Variants in CCSER1 observed in about 807,000 individuals in gnomAD.
CCSER1 encodes the protein coiled-coil serine rich protein 1.
CCSER1 carries 41 observed loss-of-function variants against 82.0 expected under a neutral mutation model. The ratio of observed to expected loss-of-function variants is 0.50; its 90% confidence interval spans 0.39 to 0.65. The LOEUF is 0.65. Among genes scored for constraint, CCSER1 ranks in the 30% least tolerant of loss-of-function variants. The pLI, the probability that CCSER1 is intolerant of heterozygous loss-of-function variation, is 0.00. For synonymous variants in CCSER1, 414 were observed against 383.9 expected, an observed-to-expected ratio of 1.08 and a Z score of -0.92; for missense variants, 1,119 against 1,064.2, an observed-to-expected ratio of 1.05 and a Z score of -0.72.
intron 6 of CCSER1, among the ~76,000 whole-genome samples, chr4:90,682,543 C>T (rs1243143429): frequency 6.6e-6 from 1 of 151,936 alleles, no homozygotes; most frequent in Non-Finnish European, 1.5e-5. Context: ...CAAAAGTTTA[C>T]TTACCTTTTA....
chr4:90,938,242 TTGGA>T (rs1731194158), intron 9 of CCSER1, among the ~76,000 whole-genome samples: 1 of 152,192 alleles, frequency 6.6e-6, no homozygotes, highest in African/African-American at 2.4e-5. Context: ...ATTTAGTACT[TTGGA>T]TGGTGACTAC....
chr4:90,401,214 A>T (rs1752824115), intron 4 of CCSER1, among the ~76,000 whole-genome samples: 1 of 152,176 alleles, frequency 6.6e-6, no homozygotes. Flanking sequence ...ATTTCTTGGG[A>T]CATTTTTCCT....
chr4:90,132,973 A>G (rs1268114596), intron 1 of CCSER1, among the ~76,000 whole-genome samples: 1 of 152,204 alleles, frequency 6.6e-6, no homozygotes, highest in Non-Finnish European at 1.5e-5. Context: ...CTAAGCAGCA[A>G]TAGCAGCAAG....
intron 10 of CCSER1, among the ~76,000 whole-genome samples, chr4:91,123,980 G>A (rs1339670526): frequency 1.3e-5 from 2 of 151,564 alleles, no homozygotes; most frequent in Admixed American, 1.3e-4. Flanking sequence ...ATTATTAAGA[G>A]CTCATATCCA....
intron 1 of CCSER1, among the ~76,000 whole-genome samples, chr4:90,214,667 G>T (rs1740685028): frequency 6.6e-6 from 1 of 152,108 alleles, no homozygotes; most frequent in Admixed American, 6.6e-5. Flanking sequence ...GGCACAATCA[G>T]AGTTTCTGCT....
chr4:90,186,468 TAA>T (rs1379041928), intron 1 of CCSER1, among the ~76,000 whole-genome samples: 1 of 151,948 alleles, frequency 6.6e-6, no homozygotes, highest in Non-Finnish European at 1.5e-5. Flanking sequence ...TCTGAAGCCT[TAA>T]AGAGAGAAAA....
At chr4:90,808,276 A>T (rs560107157) in intron 7 of CCSER1, among the ~76,000 whole-genome samples, 1 of 152,148 alleles carries the variant, frequency 6.6e-6, no homozygotes, top group Admixed American at 6.6e-5. Context: ...AAGCCCTAAA[A>T]CCATAAAAAT....
chr4:90,848,104 C>G (rs529907167), intron 8 of CCSER1, among the ~76,000 whole-genome samples: 5 of 152,128 alleles, frequency 3.3e-5, no homozygotes, highest in Admixed American at 1.3e-4. Context: ...TACACAATCA[C>G]TTTTAATTAA....
chr4:91,336,719 A>G (rs997747848), intron 10 of CCSER1, among the ~76,000 whole-genome samples: 1 of 152,100 alleles, frequency 6.6e-6, no homozygotes, highest in African/African-American at 2.4e-5. Context: ...ATTCTAATAG[A>G]CTTAAGAACT....
intron 3 of CCSER1, among the ~76,000 whole-genome samples, chr4:90,348,870 T>C (rs1742905532): frequency 6.6e-6 from 1 of 152,204 alleles, no homozygotes; most frequent in Non-Finnish European, 1.5e-5. Flanking sequence ...ACATTTTAAC[T>C]ATCTGGAATG....
At chr4:90,612,656 C>T (rs1231434335) in intron 5 of CCSER1, among the ~76,000 whole-genome samples, 1 of 152,042 alleles carries the variant, frequency 6.6e-6, no homozygotes, top group Non-Finnish European at 1.5e-5. Context: ...CTTCCAAATG[C>T]AACAGAAACT....
At chr4:91,521,269 C>G (rs1760455262) in intron 10 of CCSER1, among the ~76,000 whole-genome samples, 1 of 151,996 alleles carries the variant, frequency 6.6e-6, no homozygotes, top group African/African-American at 2.4e-5. Context: ...CACATTAATC[C>G]AGTCTATCAT....
At chr4:90,796,915 C>G (rs1283853238) in intron 7 of CCSER1, among the ~76,000 whole-genome samples, 1 of 152,034 alleles carries the variant, frequency 6.6e-6, no homozygotes, top group Non-Finnish European at 1.5e-5. Context: ...ATTTTGTTAT[C>G]AATTTTAGAG....
At chr4:90,532,999 A>G (rs1363098898) in intron 5 of CCSER1, among the ~76,000 whole-genome samples, 1 of 150,586 alleles carries the variant, frequency 6.6e-6, no homozygotes, top group Non-Finnish European at 1.5e-5. Context: ...TTGAGATTTT[A>G]CAGGGTTGAG....
At chr4:90,441,892 A>G (rs1260406994) in intron 4 of CCSER1, among the ~76,000 whole-genome samples, 1 of 152,354 alleles carries the variant, frequency 6.6e-6, no homozygotes, top group East Asian at 1.9e-4. Context: ...GAAAGTTCTC[A>G]TAAGTTTTGG....
chr4:91,081,451 A>G (rs960833193), intron 9 of CCSER1, among the ~76,000 whole-genome samples: 2 of 152,204 alleles, frequency 1.3e-5, no homozygotes, highest in African/African-American at 4.8e-5. Context: ...CCCACAGCCA[A>G]TATCATACTG....
At chr4:90,320,043 C>T (rs1736850936) in intron 3 of CCSER1, among the ~76,000 whole-genome samples, 1 of 152,176 alleles carries the variant, frequency 6.6e-6, no homozygotes, top group South Asian at 2.1e-4. Flanking sequence ...ATCATATTTT[C>T]CTTTCAGTAC....
chr4:90,768,088 A>G (rs545667982), intron 7 of CCSER1, among the ~76,000 whole-genome samples: 1 of 152,322 alleles, frequency 6.6e-6, no homozygotes, highest in South Asian at 2.1e-4. Context: ...GGAAGAAATA[A>G]GTTGTCACTT....
intron 10 of CCSER1, among the ~76,000 whole-genome samples, chr4:91,092,446 T>A (rs62312176): frequency 6.6e-6 from 1 of 152,070 alleles, no homozygotes; most frequent in East Asian, 1.9e-4. Flanking sequence ...GTGAAGTCCA[T>A]TTGAAGATCT....
Sources: allele counts gnomAD v4.1 joint callset (sites outside exome capture counted in the v4.1 genomes callset), GRCh38; gene constraint gnomAD v4.1.1; transcripts MANE v1.5; gene names NCBI Gene and HGNC (gene_info 2026-07-23, HGNC 2026-07-21).